The following C11orf21 variants were observed in gnomAD, a reference collection of about 807,000 sequenced individuals.
C11orf21 encodes the protein uncharacterized protein C11orf21.
Under a neutral mutation model 15.2 loss-of-function variants are expected in C11orf21, and 19 were observed. The observed-to-expected ratio is 1.25, with a 90% CI of 0.87 to 1.84. The LOEUF (loss-of-function observed/expected upper bound fraction) is 1.84, where lower values mean the gene tolerates loss of function less well. Among genes scored for constraint, C11orf21 ranks in the 40% most tolerant of loss-of-function variants. The pLI is 0.00. For missense variants in C11orf21, 171 were observed against 174.4 expected (o/e 0.98, Z 0.11); for synonymous variants, 62 against 66.8 (o/e 0.93, Z 0.35).
rs1414774048 is a variant in C11orf21, at chr11:2,299,612, GTGA to G, written c.240_242del (p.His81del). On this transcript the variant is annotated inframe_deletion, in exon 3 of 4. Coordinates refer to ENST00000381153, the MANE Select transcript of C11orf21 (RefSeq NM_001329958.2). ...AGCAGGCAAGCCAGTGCAGAGCTGG[GTGA>G]TCCACAGGTTCATGAGCGGTGGCAG... 2.7e-5 allele frequency: 42 copies of G among 1,551,118 alleles called. No homozygotes were observed. The Admixed American group carries it at 4.3e-4, about 16-fold the overall frequency.
At position 2,301,819 on chromosome 11, in the gene C11orf21, C is replaced by G. The variant is rs1167812183; in HGVS notation, c.-11G>C. 2 of 1,550,766 alleles carry G rather than the reference C, an allele frequency of 1.3e-6. No homozygotes were observed. The highest frequency in any genetic ancestry group is 1.7e-6 in the Non-Finnish European group (2 of 1,146,934). On this transcript the variant is annotated 5_prime_UTR_variant, in exon 1 of 4. Transcript: ENST00000381153. ...CCAGGTCCTGCCCATGACTTTCCCC[C>G]TCTCAGCGCCGTCCTCAGTGGCCAC...
rs146498757 is a variant in C11orf21 at position 2,298,311 on chromosome 11, C to A, written c.*29-390G>T. The stretch of plus-strand genomic sequence containing the variant: ...GGGGTCTGGCCTGAAAGGGGATGGG[C>A]GTTCACTTCTAGGTTCCTGAGAGAG... On this transcript the variant is annotated intron_variant, in intron 3 of 3. Coordinates refer to ENST00000381153, the MANE Select transcript of C11orf21 (RefSeq NM_001329958.2). 3.9e-5 allele frequency among the ~76,000 whole-genome samples: 6 copies of A among 152,304 alleles called. 1 individual carries two copies. In the South Asian group the frequency reaches 1.0e-3, roughly 26 times the overall value.
At position 2,301,422 on chromosome 11, in the gene C11orf21, C is replaced by T. The variant is rs554647045; in HGVS notation, c.53+334G>A. The T allele has an allele frequency of 2.0e-5, 5 of 245,800 alleles. No homozygotes were observed. The South Asian group carries it at 2.6e-4, about 13-fold the overall frequency. 15.2% of individuals were successfully genotyped at this position (245,800 alleles called of 1,614,324 possible). On this transcript the variant is annotated intron_variant, in intron 1 of 3. Transcript: ENST00000381153. The stretch of plus-strand genomic sequence containing the variant: ...TGCCTGTACTGGGGCCGCAGCGCTG[C>T]CCCCACCCATACGTAATTACACGGC...
upstream of C11orf21, chr11:2,302,055 C>G: frequency 4.0e-6 from 6 of 1,495,586 alleles, no homozygotes; most frequent in Non-Finnish European, 5.3e-6. Flanking sequence ...ATGCAGCCTA[C>G]CTCCTGGGCA....
At position 2,299,410 on chromosome 11, in the gene C11orf21, C is replaced by T; in HGVS notation, c.*28+18G>A. ...CACAGGGGCCCCCAGGCTCCAGCCT[C>T]AGAGCCCGGCTGCTCACCTCTGATG... is the stretch of plus-strand genomic sequence containing the variant. On this transcript the variant is annotated intron_variant, in intron 3 of 3. Coordinates refer to ENST00000381153, the MANE Select transcript of C11orf21 (RefSeq NM_001329958.2). The T allele has an allele frequency of 6.5e-7, 1 of 1,542,260 alleles. No homozygotes were observed. Among genetic ancestry groups the T allele is most frequent in the Non-Finnish European group, 8.8e-7 (1 of 1,141,946 alleles).
chr11:2,303,000 G>T (rs1340622478), upstream of C11orf21: 1 of 1,556,300 alleles, frequency 6.4e-7, no homozygotes, highest in Non-Finnish European at 8.8e-7. Context: ...AGGGGCCTCG[G>T]GTGCAAGGGT....
intron 2 of C11orf21, among the ~76,000 whole-genome samples, chr11:2,299,977 G>A (rs1171151377): frequency 1.3e-5 from 2 of 150,254 alleles, no homozygotes; most frequent in African/African-American, 2.5e-5. Context: ...GGGTAGGGGT[G>A]GGGGCAGCTG....
At position 2,300,277 on chromosome 11, in the gene C11orf21, GTGTGTGGGGTGGGCAGGGA is replaced by G. The variant is rs1357630282; in HGVS notation, c.147+224_147+242del. On this transcript the variant is annotated intron_variant, in intron 2 of 3. Coordinates refer to ENST00000381153, the MANE Select transcript of C11orf21 (RefSeq NM_001329958.2). ...CAGGGGTGTGTAAGGTTGGGTAGGG[GTGTGTGGGGTGGGCAGGGA>G]TGTGTGGGGTGGGCAGCGGTGTGCG... Among the ~76,000 whole-genome samples the G allele has an allele frequency of 5.1e-3, 542 of 105,386 alleles. 13 individuals carry two copies. The highest frequency in any genetic ancestry group is 0.02 in the African/African-American group (518 of 25,876). The allele number at this position is 105,386 out of a possible 152,430, so 69.1% of individuals were successfully genotyped here.
upstream of C11orf21, chr11:2,302,923 T>C (rs1294110439): frequency 1.2e-6 from 2 of 1,613,530 alleles, no homozygotes; most frequent in Non-Finnish European, 1.7e-6. Flanking sequence ...CGAGCGTCCC[T>C]GGAGAAGAAC....
upstream of C11orf21, chr11:2,303,022 G>A: frequency 1.4e-6 from 2 of 1,458,262 alleles, no homozygotes; most frequent in Non-Finnish European, 1.9e-6. Context: ...GCTGGCACGA[G>A]CCCAGCTGGA....
intron 2 of C11orf21, 77 bp downstream of exon 2, chr11:2,300,443 C>A: frequency 2.2e-6 from 2 of 914,116 alleles, no homozygotes; most frequent in South Asian, 1.6e-5. Flanking sequence ...GAGGGTGTGG[C>A]TCAGCAAAGG....
upstream of C11orf21, chr11:2,302,868 A>G: frequency 6.2e-7 from 1 of 1,613,560 alleles, no homozygotes. Flanking sequence ...TGTGGCCACC[A>G]TGGTGACTCT....
upstream of C11orf21, among the ~76,000 whole-genome samples, chr11:2,302,435 A>C (rs1169984602): frequency 6.6e-6 from 1 of 152,104 alleles, no homozygotes; most frequent in Non-Finnish European, 1.5e-5. Flanking sequence ...GGCAGCACAG[A>C]GCCTGGAGGA....
chr11:2,299,313 C>T, intron 3 of C11orf21, 115 bp downstream of exon 3: 2 of 1,142,772 alleles, frequency 1.8e-6, no homozygotes, highest in Middle Eastern at 2.9e-4. Flanking sequence ...AAGCTCCAGG[C>T]CCCACTCGCT....
rs1847623580 is a variant in C11orf21, at chr11:2,299,588, G to A, written c.267C>T (p.Cys89=). ...VDHPALHWLA[C]CCCLSLPGQL... ...GCCCAGGTAAACTGAGACAGCAGCA[G>A]CAGGCAAGCCAGTGCAGAGCTGGGT... Residue 89 remains cysteine (C), a synonymous_variant, in exon 3 of 4, where the codon TGC becomes TGT. Coordinates refer to ENST00000381153, the MANE Select transcript of C11orf21 (RefSeq NM_001329958.2). 6.4e-7 allele frequency: 1 copy of A among 1,550,802 alleles called. No individual in the cohort carries two copies. The highest frequency in any genetic ancestry group is 1.2e-5 in the South Asian group (1 of 84,070).
At chr11:2,299,862 A>ACGAC (rs1847638391) in intron 2 of C11orf21, among the ~76,000 whole-genome samples, 155 bp from the exon 3 acceptor site, 1 of 130,382 alleles carries the variant, frequency 7.7e-6, no homozygotes, top group Non-Finnish European at 1.8e-5. Context: ...ACACGCATCC[A>ACGAC]TGCCTGCACA....
At chr11:2,302,103 C>T, upstream of C11orf21, 1 of 1,486,166 alleles carries the variant, frequency 6.7e-7, no homozygotes, top group Non-Finnish European at 8.9e-7. Flanking sequence ...AGCTGGAAAC[C>T]ACAGGGAGGG....
At position 2,300,617 on chromosome 11, in the gene C11orf21, G is replaced by C. The variant is rs1847693348; in HGVS notation, c.54-4C>G. 5.8e-6 allele frequency: 9 copies of C among 1,550,522 alleles called. No homozygotes were observed. Among genetic ancestry groups the C allele is most frequent in the Non-Finnish European group, 7.8e-6 (9 of 1,146,850 alleles). ...GTGAGGCCACCTGGGCACAGCGCTG[G>C]TGTGAGAAGGAGGCCATCAGGACAG... On this transcript the variant is annotated splice_region_variant and splice_polypyrimidine_tract_variant and intron_variant, in intron 1 of 3. Transcript: ENST00000381153.
rs978446307 is a variant in C11orf21 at position 2,299,404 on chromosome 11, C to T, written c.*28+24G>A. 9.1e-6 allele frequency: 14 copies of T among 1,540,320 alleles called. No homozygotes were observed. In the African/African-American group the frequency reaches 1.8e-4, roughly 20 times the overall value. Reference sequence around the variant, plus strand: ...AGACAGCACAGGGGCCCCCAGGCTCCAGCCTCAGAGCCCGGCTGCTCACCT... The same window carrying T: ...AGACAGCACAGGGGCCCCCAGGCTCTAGCCTCAGAGCCCGGCTGCTCACCT... On this transcript the variant is annotated intron_variant, in intron 3 of 3. Transcript: ENST00000381153.
Sources: allele counts gnomAD v4.1 joint callset (sites outside exome capture counted in the v4.1 genomes callset), GRCh38; gene constraint gnomAD v4.1.1; transcripts MANE v1.5; gene names NCBI Gene and HGNC (gene_info 2026-07-23, HGNC 2026-07-21).